Variants in GRAMD1B observed in about 807,000 individuals in gnomAD.
The protein encoded by GRAMD1B is GRAM domain containing 1B.
A neutral mutation model predicts 99.7 loss-of-function variants in GRAMD1B; 37 were observed. That is an observed-to-expected ratio of 0.37 (90% CI 0.29 to 0.49). GRAMD1B has a LOEUF of 0.49. Ranked by LOEUF, GRAMD1B falls within the 20% of genes least tolerant of loss-of-function variation. The probability of loss-of-function intolerance (pLI) is 0.98; values close to 1 mark genes in which losing one functional copy is unlikely to be tolerated. For missense variants in GRAMD1B, 888 were observed against 1,009.2 expected, an observed-to-expected ratio of 0.88 and a Z score of 1.63; for synonymous variants, 427 against 387.6, an observed-to-expected ratio of 1.10 and a Z score of -1.19.
chr11:123,495,698 T>G (rs1013295375), intron 2 of GRAMD1B, among the ~76,000 whole-genome samples: 3 of 151,844 alleles, frequency 2.0e-5, no homozygotes, highest in Admixed American at 6.5e-5. Flanking sequence ...TTTTTGTCTT[T>G]TCTTGTTTTT....
At chr11:123,458,683 G>A (rs943931005) in intron 1 of GRAMD1B, 4 of 122,448 alleles carry the variant, frequency 3.3e-5, no homozygotes, top group African/African-American at 6.7e-5. Flanking sequence ...ACAGTGAAAG[G>A]CTGTTTTGTT....
At chr11:123,404,307 T>C (rs1180415284) in intron 1 of GRAMD1B, among the ~76,000 whole-genome samples, 2 of 152,246 alleles carry the variant, frequency 1.3e-5, no homozygotes, top group African/African-American at 4.8e-5. Context: ...CTATCATTTC[T>C]TTTTTATTAA....
intron 3 of GRAMD1B, among the ~76,000 whole-genome samples, chr11:123,583,047 T>G (rs1253188352): frequency 1.3e-5 from 2 of 151,340 alleles, no homozygotes; most frequent in African/African-American, 4.9e-5. Context: ...TGTGTGTATA[T>G]ATGTGTGTCT....
chr11:123,550,444 G>A (rs1044475780), intron 2 of GRAMD1B, among the ~76,000 whole-genome samples: 2 of 152,064 alleles, frequency 1.3e-5, no homozygotes, highest in Admixed American at 6.5e-5. Flanking sequence ...CACTCACTCT[G>A]CCATTGTCTT....
At chr11:123,551,391 C>T (rs1312544214) in intron 2 of GRAMD1B, among the ~76,000 whole-genome samples, 5 of 152,328 alleles carry the variant, frequency 3.3e-5, no homozygotes, top group East Asian at 3.9e-4. Flanking sequence ...AACCTCTACA[C>T]TACATGGGAC....
At chr11:123,514,189 G>A (rs1941447862) in intron 2 of GRAMD1B, among the ~76,000 whole-genome samples, 1 of 152,176 alleles carries the variant, frequency 6.6e-6, no homozygotes, top group Non-Finnish European at 1.5e-5. Flanking sequence ...AGGGACGCAA[G>A]AAGAATTACT....
chr11:123,382,719 G>T (rs1272538582), intron 1 of GRAMD1B, among the ~76,000 whole-genome samples: 1 of 152,170 alleles, frequency 6.6e-6, no homozygotes, highest in Non-Finnish European at 1.5e-5. Context: ...GTAATGGGGG[G>T]CGTTTAAGAA....
rs1211359410 is a variant in GRAMD1B, at chr11:123,430,776, C to A, written c.-17C>A. ...GCTGGCGGAGGGCTCAGGGGGAGCG[C>A]AGAGGCGACGGCCCCCATGCCGGCG... On this transcript the variant is annotated 5_prime_UTR_variant, in exon 1 of 20. Transcript: ENST00000635736. 2 of 662,694 alleles carry A rather than the reference C, an allele frequency of 3.0e-6. No individual in the cohort carries two copies. The highest frequency in any genetic ancestry group is 5.4e-6 in the Non-Finnish European group (2 of 367,972). 41.1% of individuals were successfully genotyped at this position (662,694 alleles called of 1,614,324 possible).
chr11:123,393,185 A>G lies in GRAMD1B; in HGVS notation c.-176+34386A>G, dbSNP rs78643998. On this transcript the variant is annotated intron_variant, in intron 1 of 20. Coordinates refer to the GRAMD1B transcript ENST00000638157. ...CAGATGAGGAAATCAAGACTCCTATACATTAAGTAATTTCCCCAATAACAC... is the reference window on the plus strand; with the variant it reads ...CAGATGAGGAAATCAAGACTCCTATGCATTAAGTAATTTCCCCAATAACAC... Among the ~76,000 whole-genome samples, 253 of 152,346 alleles carry G rather than the reference A, an allele frequency of 1.7e-3. 2 individuals are homozygous for G. Among genetic ancestry groups the G allele is most frequent in the African/African-American group, 6.0e-3 (250 of 41,584 alleles).
intron 1 of GRAMD1B, among the ~76,000 whole-genome samples, chr11:123,424,962 C>T (rs1182221214): frequency 1.3e-5 from 2 of 152,152 alleles, no homozygotes; most frequent in South Asian, 2.1e-4. Flanking sequence ...CTGTTTCCTA[C>T]GAAGGGTATT....
At chr11:123,358,931 T>A (rs1946045721) in intron 1 of GRAMD1B, 1 of 152,310 alleles carries the variant, frequency 6.6e-6, no homozygotes, top group Admixed American at 6.5e-5. Context: ...TACATCGGAA[T>A]TTTCTTAGTG....
chr11:123,362,936 A>G (rs1000233703), intron 1 of GRAMD1B, among the ~76,000 whole-genome samples: 1 of 151,928 alleles, frequency 6.6e-6, no homozygotes, highest in African/African-American at 2.4e-5. Context: ...GAAATGACAC[A>G]TAGAAATGAT....
chr11:123,552,716 T>G (rs1008859539), intron 2 of GRAMD1B, among the ~76,000 whole-genome samples: 15 of 152,360 alleles, frequency 9.8e-5, no homozygotes, highest in African/African-American at 3.4e-4. Context: ...CTCGTTATAC[T>G]GAATAAAGTT....
At position 123,503,621 on chromosome 11, in the gene GRAMD1B, A is replaced by G. The variant is rs576772242; in HGVS notation, c.452+22728A>G. Among the ~76,000 whole-genome samples the G allele has an allele frequency of 4.6e-5, 7 of 150,962 alleles. No homozygotes were observed. In the South Asian group the frequency reaches 1.5e-3, roughly 32 times the overall value. On this transcript the variant is annotated intron_variant, in intron 2 of 19. Coordinates refer to ENST00000635736, the MANE Select transcript of GRAMD1B (RefSeq NM_001387025.1). ...GTGTGCAATGGTGCAATCTTGGCTC[A>G]CTGCAACCTCTGCCTCCCGGGTTCA...
At chr11:123,402,400 G>A (rs189406889) in intron 1 of GRAMD1B, among the ~76,000 whole-genome samples, 1 of 152,178 alleles carries the variant, frequency 6.6e-6, no homozygotes. Flanking sequence ...AATAACAAAG[G>A]TCGTCATCAT....
At chr11:123,422,606 C>T (rs1203760254) in intron 1 of GRAMD1B, among the ~76,000 whole-genome samples, 4 of 152,202 alleles carry the variant, frequency 2.6e-5, no homozygotes, top group African/African-American at 7.2e-5. Flanking sequence ...TTTTTCATTA[C>T]ATTCATTATG....
chr11:123,468,204 G>A (rs1950802671), intron 1 of GRAMD1B, among the ~76,000 whole-genome samples: 1 of 152,142 alleles, frequency 6.6e-6, no homozygotes, highest in African/African-American at 2.4e-5. Context: ...TATGCACAAG[G>A]AAGGAAGGTG....
intron 1 of GRAMD1B, among the ~76,000 whole-genome samples, chr11:123,451,275 A>G (rs541596395): frequency 1.3e-5 from 2 of 152,338 alleles, no homozygotes; most frequent in South Asian, 4.1e-4. Context: ...TGACAAGCGT[A>G]TGGCATGACA....
chr11:123,614,780 C>G lies in GRAMD1B; in HGVS notation c.2263C>G (p.Pro755Ala), dbSNP rs1592288801. Residue 755 changes from proline to alanine, a missense_variant, in exon 17 of 20, where the codon CCC becomes GCC. By Grantham distance (27) the Pro-to-Ala change is conservative. This residue lies in a region of GRAMD1B where 232 missense variants were observed against 261.7 expected (regional missense o/e 0.89). Transcript: ENST00000635736. The part of the protein sequence containing the change: ...TQTRHIPEDT[P>A]NGFHLQSVSK... ...GACGCGGCATATCCCGGAGGACACC[C>G]CCAACGGTTTCCACCTGCAGAGCGT... 1 of 1,612,398 alleles carries G rather than the reference C, an allele frequency of 6.2e-7. No homozygotes were observed. Among genetic ancestry groups the G allele is most frequent in the Admixed American group, 1.7e-5 (1 of 59,968 alleles).
Sources: gnomAD v4.1 joint callset for allele counts (sites outside exome capture counted in the v4.1 genomes callset) on GRCh38, gnomAD v4.1.1 for gene constraint, gnomAD v4.1.1 regional missense constraint, MANE v1.5 for transcripts, NCBI Gene and HGNC (gene_info 2026-07-23, HGNC 2026-07-21) for gene names.